Variants in CCNG1 observed in about 807,000 individuals in gnomAD.
CCNG1 encodes cyclin G1, also known as cyclin-G1.
A neutral mutation model predicts 30.0 loss-of-function variants in CCNG1; 13 were observed. The ratio of observed to expected loss-of-function variants is 0.43; its 90% CI spans 0.28 to 0.69. The LOEUF (loss-of-function observed/expected upper bound fraction) is 0.69, where lower values mean the gene tolerates loss of function less well. Ranked by LOEUF, CCNG1 falls within the 30% of genes least tolerant of loss-of-function variation. CCNG1 has a pLI of 0.16. For synonymous variants in CCNG1, 110 were observed against 121.5 expected (o/e 0.91, Z 0.62); for missense variants, 285 against 331.4 (o/e 0.86, Z 1.09).
the CCNG1 span, chr5:163,457,522 A>G: frequency 8.4e-7 from 1 of 1,195,090 alleles, no homozygotes; most frequent in South Asian, 1.3e-5. Context: ...TATCAAGACA[A>G]AATTATTTTA....
In CCNG1 at chr5:163,441,073, T is replaced by C. The variant is rs761394682; in HGVS notation, c.265-5T>C. On this transcript the variant is annotated splice_polypyrimidine_tract_variant and splice_region_variant and intron_variant, in intron 2 of 6. Coordinates refer to ENST00000340828, the MANE Select transcript of CCNG1 (RefSeq NM_004060.4). Reference sequence around the variant, plus strand: ...GGCTTACTGGTTTTGTTTTTGATTTTTTAGGTACAGCCCAAGCACCTTGGG... The same window carrying C: ...GGCTTACTGGTTTTGTTTTTGATTTCTTAGGTACAGCCCAAGCACCTTGGG... 1 of 1,605,060 alleles carries C rather than the reference T, an allele frequency of 6.2e-7. No homozygotes were observed. Among genetic ancestry groups the C allele is most frequent in the Non-Finnish European group, 8.5e-7 (1 of 1,176,664 alleles).
rs756158749 is a variant in CCNG1 at position 163,441,109 on chromosome 5, T to C, written c.296T>C (p.Leu99Pro). ...CCCAAGCACCTTGGGTGTGTTGGAC[T>C]GAGCTGCTTTTATTTGGCTGTAAAA... ...VQPKHLGCVG[L>P]SCFYLAVKSI... The change falls in exon 3 of 7, where the codon CTG (leucine) becomes CCG (proline). Residue 99 changes from leucine (L) to proline (P), a missense_variant. Physicochemically the swap from Leu to Pro is moderately conservative, Grantham distance 98. Transcript: ENST00000340828. 14 of 1,613,990 alleles carry C rather than the reference T, an allele frequency of 8.7e-6. No individual in the cohort carries two copies. The South Asian group carries it at 1.4e-4, about 16-fold the overall frequency.
chr5:163,439,264 A>G lies in CCNG1; in HGVS notation c.8A>G (p.Glu3Gly). Residue 3 changes from glutamate to glycine, a missense_variant, in exon 2 of 7, where the codon GAG (glutamate) becomes GGG (glycine). Physicochemically the swap from Glu to Gly is moderately conservative, Grantham distance 98. Transcript: ENST00000340828. ...CTTTTTTTCTATATATAGATGATAG[A>G]GGTACTGACAACAACTGACTCTCAG... The part of the protein sequence containing the change: MI[E>G]VLTTTDSQKL... The G allele has an allele frequency of 6.2e-7, 1 of 1,612,844 alleles. No homozygotes were observed. The highest frequency in any genetic ancestry group is 2.2e-5 in the East Asian group (1 of 44,880).
Position 163,442,052 on chromosome 5 carries a change from T to C in CCNG1, c.605T>C (p.Val202Ala), listed in dbSNP as rs768631833. The change falls in exon 5 of 7, where the codon GTG (valine) becomes GCG (alanine). Residue 202 changes from valine to alanine, a missense_variant. Transcript: ENST00000340828. ...TAAATTTATCTCTTTTAGCCTTCTG[T>C]GTTGGCATTGTCTATCATTGCATTA... Reference protein sequence around the residue: ...RIIFSKAKPSVLALSIIALEI... With the variant: ...RIIFSKAKPSALALSIIALEI... The C allele has an allele frequency of 1.2e-6, 2 of 1,611,212 alleles. No homozygotes were observed. Among genetic ancestry groups the C allele is most frequent in the East Asian group, 4.5e-5 (2 of 44,740 alleles).
downstream of CCNG1, among the ~76,000 whole-genome samples, chr5:163,445,626 T>TTTTTTG (rs1350571867): frequency 1.4e-5 from 2 of 142,518 alleles, no homozygotes; most frequent in African/African-American, 5.2e-5. Context: ...GCTAATTTTT[T>TTTTTTG]TTTTTTTTTT....
In CCNG1 at chr5:163,442,205, T is replaced by C. The variant is rs866353151; in HGVS notation, c.696+62T>C. The C allele has an allele frequency of 1.8e-5, 22 of 1,190,606 alleles. No individual in the cohort carries two copies. In the Middle Eastern group the frequency reaches 1.0e-3, roughly 54 times the overall value. The allele number at this position is 1,190,606 out of a possible 1,614,324, so 73.8% of individuals were successfully genotyped here. On this transcript the variant is annotated intron_variant, in intron 5 of 6. Coordinates refer to ENST00000340828, the MANE Select transcript of CCNG1 (RefSeq NM_004060.4). ...TGTAAAAGAAACTAAACCCCTTCTATCTCCTGAAGTAAAATGAGATGTCAT... is the reference window on the plus strand; with the variant it reads ...TGTAAAAGAAACTAAACCCCTTCTACCTCCTGAAGTAAAATGAGATGTCAT...
chr5:163,439,330 C>G lies in CCNG1; in HGVS notation c.74C>G (p.Ser25Cys). 1 of 1,614,052 alleles carries G rather than the reference C, an allele frequency of 6.2e-7. No individual in the cohort carries two copies. The highest frequency in any genetic ancestry group is 1.3e-5 in the African/African-American group (1 of 75,016). Residue 25 changes from serine (S) to cysteine (C), a missense_variant, in exon 2 of 7, where the codon TCT becomes TGT. Coordinates refer to ENST00000340828, the MANE Select transcript of CCNG1 (RefSeq NM_004060.4). The stretch of plus-strand genomic sequence containing the variant: ...CTGAATGCCCTGTTGGAACAGGAGT[C>G]TAGATGTCAGCCAAAGGTCTGTGGT... The part of the protein sequence containing the change: ...HQLNALLEQE[S>C]RCQPKVCGLR...
At chr5:163,450,470 A>G (rs1288552470), downstream of CCNG1, 2 of 152,182 alleles carry the variant, frequency 1.3e-5, no homozygotes, top group Non-Finnish European at 2.9e-5. Flanking sequence ...ATATATAAAG[A>G]CTCTTACTAC....
At chr5:163,440,645 T>C (rs1757765413) in intron 2 of CCNG1, among the ~76,000 whole-genome samples, 1 of 152,176 alleles carries the variant, frequency 6.6e-6, no homozygotes, top group Admixed American at 6.5e-5. Flanking sequence ...TAAAACTGTT[T>C]TATATGTGTT....
chr5:163,445,527 C>T (rs1758019446), downstream of CCNG1, among the ~76,000 whole-genome samples: 1 of 151,996 alleles, frequency 6.6e-6, no homozygotes, highest in African/African-American at 2.4e-5. Flanking sequence ...GATCTTGGCT[C>T]ATTGCAGCCT....
Position 163,442,566 on chromosome 5 carries a change from CT to C in CCNG1, c.*2del. ...AACAATTCCTGAAATGGTCCCTTAA[CT>C]GGTAAATTTGGTCCGTTATTATTCT... On this transcript the variant is annotated splice_region_variant and 3_prime_UTR_variant, in exon 6 of 7. Coordinates refer to ENST00000340828, the MANE Select transcript of CCNG1 (RefSeq NM_004060.4). 1.3e-6 allele frequency: 2 copies of C among 1,596,122 alleles called. No individual in the cohort carries two copies. The highest frequency in any genetic ancestry group is 1.7e-6 in the Non-Finnish European group (2 of 1,171,302).
intron 3 of CCNG1, 104 bp downstream of exon 3, chr5:163,441,435 T>A: frequency 9.2e-7 from 1 of 1,085,260 alleles, no homozygotes; most frequent in Non-Finnish European, 1.3e-6. Context: ...TAAAAATAAG[T>A]AAAATGACAG....
downstream of CCNG1, chr5:163,447,562 A>G (rs1192064483): frequency 2.0e-5 from 3 of 152,238 alleles, no homozygotes; most frequent in African/African-American, 7.2e-5. Flanking sequence ...TAGAATTAAT[A>G]GAAAATTAGC....
chr5:163,456,345 T>C, the CCNG1 span, among the ~76,000 whole-genome samples: 55 of 152,066 alleles, frequency 3.6e-4, no homozygotes, highest in Non-Finnish European at 7.1e-4. Flanking sequence ...AATGAAGAAA[T>C]CTAAATCATA....
chr5:163,456,600 G>T, the CCNG1 span, among the ~76,000 whole-genome samples: 2 of 152,140 alleles, frequency 1.3e-5, no homozygotes, highest in African/African-American at 4.8e-5. Flanking sequence ...GGAATGGGGA[G>T]AATGGTGGTG....
chr5:163,455,627 G>A, the CCNG1 span, among the ~76,000 whole-genome samples: 1 of 152,072 alleles, frequency 6.6e-6, no homozygotes, highest in African/African-American at 2.4e-5. Context: ...AGCCGTGCGT[G>A]GTGGCGGGAG....
chr5:163,442,528 T>C lies in CCNG1; in HGVS notation c.851T>C (p.Ile284Thr). The C allele has an allele frequency of 1.2e-6, 2 of 1,611,946 alleles. No homozygotes were observed. The highest frequency in any genetic ancestry group is 1.7e-6 in the Non-Finnish European group (2 of 1,179,134). ...CAATTGAAGCATAGCTACTACAGAA[T>C]AACTCACCTTCCAACAATTCCTGAA... ...ARQLKHSYYR[I>T]THLPTIPEMV... The change falls in exon 6 of 7, where the codon ATA becomes ACA. Residue 284 changes from isoleucine to threonine, a missense_variant. Coordinates refer to ENST00000340828, the MANE Select transcript of CCNG1 (RefSeq NM_004060.4).
chr5:163,442,589 T>C (rs759171679), intron 6 of CCNG1, 21 bp downstream of exon 6: 3 of 1,551,742 alleles, frequency 1.9e-6, no homozygotes, highest in South Asian at 2.4e-5. Context: ...TCCGTTATTA[T>C]TCTCCAGATA....
At chr5:163,457,414 T>C in the CCNG1 span, 2 of 611,674 alleles carry the variant, frequency 3.3e-6, no homozygotes, top group South Asian at 2.3e-5. Context: ...CTCCCCCCAC[T>C]AGGTAACTTT....
Sources: allele counts gnomAD v4.1 joint callset (sites outside exome capture counted in the v4.1 genomes callset), GRCh38; gene constraint gnomAD v4.1.1; transcripts MANE v1.5; gene names NCBI Gene and HGNC (gene_info 2026-07-23, HGNC 2026-07-21).